The following LRP2 variants were observed in gnomAD, a reference collection of about 807,000 sequenced individuals.
The protein encoded by LRP2 is LDL receptor related protein 2, also known as low-density lipoprotein receptor-related protein 2.
LRP2 carries 172 observed loss-of-function variants against 531.0 expected under a neutral mutation model. The observed-to-expected ratio is 0.32, with a 90% confidence interval of 0.29 to 0.37. The LOEUF (loss-of-function observed/expected upper bound fraction) is 0.37. LRP2 is among the 10% of genes least tolerant of loss of function. The pLI is 1.00. For synonymous variants in LRP2, 1,992 were observed against 2,027.6 expected (o/e 0.98, Z 0.47); for missense variants, 5,167 against 5,868.3 (o/e 0.88, Z 3.90).
chr2:169,179,447 G>A (rs933305161), intron 52 of LRP2, among the ~76,000 whole-genome samples: 1 of 152,206 alleles, frequency 6.6e-6, no homozygotes, highest in African/African-American at 2.4e-5. Flanking sequence ...ACAGCTGGGT[G>A]CAGTGGCTCA....
intron 23 of LRP2, 126 bp downstream of exon 23, chr2:169,243,277 C>T (rs1689877285): frequency 8.6e-6 from 10 of 1,161,530 alleles, no homozygotes; most frequent in Admixed American, 3.8e-5. Context: ...CTAATGCCAT[C>T]CCTTCTCTAG....
At chr2:169,289,954 A>G (rs891339560) in intron 8 of LRP2, among the ~76,000 whole-genome samples, 1 of 152,210 alleles carries the variant, frequency 6.6e-6, no homozygotes, top group Non-Finnish European at 1.5e-5. Flanking sequence ...GAAACAAAAA[A>G]TAACCTTGGG....
At chr2:169,308,342 T>C (rs1684485912) in intron 3 of LRP2, among the ~76,000 whole-genome samples, 1 of 152,190 alleles carries the variant, frequency 6.6e-6, no homozygotes, top group African/African-American at 2.4e-5. Flanking sequence ...TCATTTACGT[T>C]AGGTGTATCT....
At chr2:169,260,081 A>C (rs1690485542) in intron 16 of LRP2, among the ~76,000 whole-genome samples, 1 of 152,132 alleles carries the variant, frequency 6.6e-6, no homozygotes. Flanking sequence ...CAGCCACTCA[A>C]TCAAGTAGGC....
chr2:169,261,900 T>C (rs1384646434), intron 16 of LRP2, among the ~76,000 whole-genome samples: 3 of 151,430 alleles, frequency 2.0e-5, no homozygotes, highest in Non-Finnish European at 4.4e-5. Flanking sequence ...TCCACCATGA[T>C]CAAGTGGGCT....
intron 70 of LRP2, among the ~76,000 whole-genome samples, chr2:169,144,591 C>T (rs554864787): frequency 6.6e-6 from 1 of 152,288 alleles, no homozygotes; most frequent in East Asian, 1.9e-4. Context: ...AGTGTGAGAG[C>T]CGCAAGGGCA....
Position 169,145,916 on chromosome 2 carries a change from G to T in LRP2, c.12819C>A (p.Asn4273Lys). The part of the protein sequence containing the change: ...DRRVIAKEAM[N>K]PYSLDIFEDQ... ...CTTCAAAGATGTCCAGGCTGTAAGG[G>T]TTCATTGCTGCTTACCCACAGGGGA... Residue 4273 changes from asparagine (N) to lysine (K), a missense_variant, in exon 70 of 79, where the codon AAC becomes AAA. Physicochemically the swap from Asn to Lys is moderately conservative, Grantham distance 94. Coordinates refer to ENST00000649046, the MANE Select transcript of LRP2 (RefSeq NM_004525.3). 5.0e-6 allele frequency: 8 copies of T among 1,613,914 alleles called. No individual in the cohort carries two copies. The highest frequency in any genetic ancestry group is 6.8e-6 in the Non-Finnish European group (8 of 1,179,970).
At chr2:169,207,353 G>C in intron 38 of LRP2, 103 bp from the exon 39 acceptor site, 1 of 803,566 alleles carries the variant, frequency 1.2e-6, no homozygotes, top group South Asian at 1.5e-5. Flanking sequence ...TGAAGTCTGG[G>C]TCACTATATG....
intron 1 of LRP2, among the ~76,000 whole-genome samples, chr2:169,323,575 C>T (rs1684961062): frequency 6.6e-6 from 1 of 151,518 alleles, no homozygotes; most frequent in African/African-American, 2.4e-5. Context: ...ACTCACAAGC[C>T]CTCCAAAAGT....
chr2:169,276,560 G>A (rs926380637), intron 13 of LRP2, among the ~76,000 whole-genome samples: 2 of 152,008 alleles, frequency 1.3e-5, no homozygotes, highest in African/African-American at 4.8e-5. Flanking sequence ...GTGATAGGAA[G>A]TCACCATATT....
At chr2:169,285,299 A>G (rs1448628406) in intron 9 of LRP2, among the ~76,000 whole-genome samples, 1 of 152,160 alleles carries the variant, frequency 6.6e-6, no homozygotes, top group Non-Finnish European at 1.5e-5. Context: ...ATCACAAAAA[A>G]ACAGGATTTG....
rs1256042017 is a variant in LRP2, at chr2:169,318,879, C to A, written c.193G>T (p.Val65Leu). 1.1e-5 allele frequency: 17 copies of A among 1,614,094 alleles called. No individual in the cohort carries two copies. Among genetic ancestry groups the A allele is most frequent in the Non-Finnish European group, 1.4e-5 (17 of 1,179,988 alleles). Residue 65 changes from valine to leucine, a missense_variant, in exon 3 of 79, where the codon GTG becomes TTG. Physicochemically the swap from Val to Leu is conservative, Grantham distance 32 (BLOSUM62 1). Coordinates refer to ENST00000649046, the MANE Select transcript of LRP2 (RefSeq NM_004525.3). The part of the protein sequence containing the change: ...DDADEIGCAV[V>L]TCQQGYFKCQ... ...TTGAAATAGCCCTGCTGGCAGGTCACAACAGCTAAAACAAACCAAAAGAGG... is the reference window on the plus strand; with the variant it reads ...TTGAAATAGCCCTGCTGGCAGGTCAAAACAGCTAAAACAAACCAAAAGAGG...
chr2:169,205,293 T>C (rs776561681), intron 41 of LRP2, among the ~76,000 whole-genome samples, 186 bp downstream of exon 41: 2 of 152,216 alleles, frequency 1.3e-5, no homozygotes, highest in Non-Finnish European at 1.5e-5. Flanking sequence ...ATGCATGATA[T>C]AGATAAATTT....
intron 45 of LRP2, among the ~76,000 whole-genome samples, chr2:169,197,619 T>C (rs974202336): frequency 5.3e-5 from 8 of 152,264 alleles, no homozygotes; most frequent in Non-Finnish European, 8.8e-5. Context: ...CAAATTGTTA[T>C]GTGGGTGCAC....
intron 4 of LRP2, 149 bp downstream of exon 4, chr2:169,307,132 C>T (rs1684441179): frequency 4.3e-6 from 3 of 700,658 alleles, no homozygotes; most frequent in East Asian, 2.7e-5. Context: ...AACATCACCC[C>T]TAATCCACAA....
At chr2:169,261,409 T>G (rs1177503266) in intron 16 of LRP2, among the ~76,000 whole-genome samples, 1 of 151,562 alleles carries the variant, frequency 6.6e-6, no homozygotes, top group African/African-American at 2.4e-5. Context: ...CACTGCAGCC[T>G]CAAACACCTG....
In LRP2 at chr2:169,180,063, C is replaced by T. The variant is rs73971198; in HGVS notation, c.10169+1385G>A. Among the ~76,000 whole-genome samples the T allele has an allele frequency of 6.8e-3, 1,039 of 152,160 alleles. 13 individuals carry two copies. Among genetic ancestry groups the T allele is most frequent in the African/African-American group, 0.024 (981 of 41,536 alleles). On this transcript the variant is annotated intron_variant, in intron 52 of 78. Transcript: ENST00000649046. The stretch of plus-strand genomic sequence containing the variant: ...CAGAATATTGTGTAACTAGAAAATT[C>T]CTTTTTTCATCTCTAATGCTCCTGG...
chr2:169,202,925 C>G lies in LRP2; in HGVS notation c.8040G>C (p.Glu2680Asp), dbSNP rs771880997. The G allele has an allele frequency of 1.9e-6, 3 of 1,614,066 alleles. No individual in the cohort carries two copies. The highest frequency in any genetic ancestry group is 3.3e-5 in the Admixed American group (2 of 60,008). The change falls in exon 43 of 79, where the codon GAG becomes GAC. Residue 2680 changes from glutamate (E) to aspartate (D), a missense_variant. Coordinates refer to ENST00000649046, the MANE Select transcript of LRP2 (RefSeq NM_004525.3). Reference protein sequence around the residue: ...PNGAECQCPHEGNWYLANNRK... With the variant: ...PNGAECQCPHDGNWYLANNRK... The stretch of plus-strand genomic sequence containing the variant: ...TGTTGTTGGCCAAATACCAGTTGCC[C>G]TCATGTGGACACTGGCACTCGGCAC...
rs1301968339 is a variant in LRP2, at chr2:169,216,515, C to A, written c.5649-85G>T. 6.1e-6 allele frequency: 8 copies of A among 1,316,456 alleles called. No individual in the cohort carries two copies. In the East Asian group the frequency reaches 1.6e-4, roughly 27 times the overall value. 81.5% of individuals were successfully genotyped at this position (1,316,456 alleles called of 1,614,324 possible). A position where few individuals can be genotyped will look rare whatever the true frequency, so the allele number is the denominator to read the frequency against. On this transcript the variant is annotated intron_variant, in intron 34 of 78. Coordinates refer to ENST00000649046, the MANE Select transcript of LRP2 (RefSeq NM_004525.3). ...ATAAATGACAATGTGTATTACTTGT[C>A]CTCAAGATGCTCACAATACAATGGG...
Sources: allele counts gnomAD v4.1 joint callset (sites outside exome capture counted in the v4.1 genomes callset), GRCh38; gene constraint gnomAD v4.1.1; transcripts MANE v1.5; gene names NCBI Gene and HGNC (gene_info 2026-07-23, HGNC 2026-07-21).